LRMDA: variants seen among roughly 807,000 people sequenced by gnomAD.
LRMDA encodes leucine-rich melanocyte differentiation-associated protein.
LRMDA carries 18 observed loss-of-function variants against 29.8 expected under a neutral mutation model. The ratio of observed to expected loss-of-function variants is 0.60; its 90% CI spans 0.42 to 0.90. The LOEUF (loss-of-function observed/expected upper bound fraction) is 0.90, where lower values mean the gene tolerates loss of function less well. Among genes scored for constraint, LRMDA ranks in the 40% least tolerant of loss-of-function variants. The pLI, the probability that LRMDA is intolerant of heterozygous loss-of-function variation, is 0.00. For missense variants in LRMDA, 273 were observed against 273.9 expected, an observed-to-expected ratio of 1.00 and a Z score of 0.02; for synonymous variants, 125 against 109.4, an observed-to-expected ratio of 1.14 and a Z score of -0.89.
chr10:75,950,850 G>A (rs1699646787), intron 2 of LRMDA, among the ~76,000 whole-genome samples: 1 of 152,156 alleles, frequency 6.6e-6, no homozygotes, highest in Non-Finnish European at 1.5e-5. Flanking sequence ...CTCCTGGATT[G>A]TTTCTTGCTA....
At chr10:75,923,428 G>A (rs1408534233) in intron 2 of LRMDA, among the ~76,000 whole-genome samples, 4 of 152,148 alleles carry the variant, frequency 2.6e-5, no homozygotes, top group Non-Finnish European at 5.9e-5. Context: ...AGGACATGTA[G>A]AAATCAGCGC....
chr10:76,532,282 T>A (rs961200070), intron 6 of LRMDA, among the ~76,000 whole-genome samples: 2 of 152,228 alleles, frequency 1.3e-5, no homozygotes, highest in Non-Finnish European at 2.9e-5. Flanking sequence ...CACAAACCTC[T>A]ACTTTTAATC....
intron 5 of LRMDA, among the ~76,000 whole-genome samples, chr10:76,118,684 C>A (rs571413818): frequency 1.8e-4 from 27 of 152,154 alleles, no homozygotes; most frequent in South Asian, 1.7e-3. Flanking sequence ...CTCCCAAGCC[C>A]AGGGTACCAA....
chr10:76,444,097 G>T (rs1175827912), intron 6 of LRMDA, among the ~76,000 whole-genome samples: 1 of 152,134 alleles, frequency 6.6e-6, no homozygotes, highest in African/African-American at 2.4e-5. Context: ...CCAAAGCTTT[G>T]TTCAGCTATT....
At chr10:76,225,715 T>TATTTATTC (rs1324577276) in intron 5 of LRMDA, among the ~76,000 whole-genome samples, 1 of 148,048 alleles carries the variant, frequency 6.8e-6, no homozygotes, top group Non-Finnish European at 1.5e-5. Flanking sequence ...TTTATTTATT[T>TATTTATTC]ATTTATTATT....
intron 6 of LRMDA, among the ~76,000 whole-genome samples, chr10:76,517,939 C>CATATATATATATATATATAAACAT (rs71024602): frequency 0.012 from 1,681 of 144,234 alleles, 18 homozygotes; most frequent in Middle Eastern, 0.036. Flanking sequence ...TATATATAAA[C>CATATATATATATATATATAAACAT]ATATATATAT....
At chr10:76,147,238 C>T (rs1192941270) in intron 5 of LRMDA, among the ~76,000 whole-genome samples, 1 of 152,190 alleles carries the variant, frequency 6.6e-6, no homozygotes, top group Non-Finnish European at 1.5e-5. Context: ...GCCTGCCTTG[C>T]TAGATTGGGG....
At chr10:76,032,366 A>G (rs1033407138) in intron 2 of LRMDA, among the ~76,000 whole-genome samples, 1 of 152,176 alleles carries the variant, frequency 6.6e-6, no homozygotes, top group Non-Finnish European at 1.5e-5. Context: ...TTCATAAGCT[A>G]ATGAGGGCAG....
intron 2 of LRMDA, among the ~76,000 whole-genome samples, chr10:75,847,713 T>C (rs1844664411): frequency 6.6e-6 from 1 of 152,020 alleles, no homozygotes; most frequent in South Asian, 2.1e-4. Flanking sequence ...AAAGAAGATA[T>C]ACAAATGGCT....
At chr10:76,221,439 C>T (rs1023034020) in intron 5 of LRMDA, among the ~76,000 whole-genome samples, 11 of 152,214 alleles carry the variant, frequency 7.2e-5, no homozygotes, top group Admixed American at 2.0e-4. Flanking sequence ...GGATACAAAA[C>T]CAATGTACAA....
chr10:75,684,163 T>C (rs1842056280), intron 2 of LRMDA, among the ~76,000 whole-genome samples: 1 of 152,206 alleles, frequency 6.6e-6, no homozygotes, highest in African/African-American at 2.4e-5. Flanking sequence ...GCATTATCAA[T>C]GTCTCCTCTC....
intron 6 of LRMDA, among the ~76,000 whole-genome samples, chr10:76,514,919 C>A (rs766515850): frequency 3.3e-5 from 5 of 152,120 alleles, no homozygotes; most frequent in Non-Finnish European, 7.4e-5. Flanking sequence ...ACTACCTCTA[C>A]CTGCACAAGA....
At chr10:75,445,031 C>A (rs761605700) in intron 2 of LRMDA, among the ~76,000 whole-genome samples, 1 of 152,182 alleles carries the variant, frequency 6.6e-6, no homozygotes, top group South Asian at 2.1e-4. Flanking sequence ...CAGGCTCAAA[C>A]GATCCTCCCA....
At chr10:76,015,711 G>C (rs1208877831) in intron 2 of LRMDA, among the ~76,000 whole-genome samples, 1 of 152,178 alleles carries the variant, frequency 6.6e-6, no homozygotes, top group African/African-American at 2.4e-5. Context: ...CACACCATCA[G>C]CTATCAATCT....
chr10:76,434,605 C>A (rs1842226481), intron 6 of LRMDA, among the ~76,000 whole-genome samples: 1 of 152,206 alleles, frequency 6.6e-6, no homozygotes, highest in Non-Finnish European at 1.5e-5. Context: ...ACTCATCCAT[C>A]TGTCCATCCA....
intron 2 of LRMDA, among the ~76,000 whole-genome samples, chr10:75,806,833 C>T (rs1843862961): frequency 6.7e-6 from 1 of 148,188 alleles, no homozygotes; most frequent in African/African-American, 2.5e-5. Flanking sequence ...AAAAACCACA[C>T]ACAAAAAAAC....
chr10:76,367,222 G>T (rs1841401170), intron 6 of LRMDA, among the ~76,000 whole-genome samples: 1 of 151,832 alleles, frequency 6.6e-6, no homozygotes, highest in South Asian at 2.1e-4. Flanking sequence ...TTCTTTTTTG[G>T]CTATGTGCTT....
chr10:75,572,417 T>C (rs1267734481), intron 2 of LRMDA, among the ~76,000 whole-genome samples: 1 of 152,148 alleles, frequency 6.6e-6, no homozygotes, highest in African/African-American at 2.4e-5. Context: ...TTTTATTCTT[T>C]CTGGCACCCC....
chr10:75,760,971 T>C (rs1843087492), intron 2 of LRMDA, among the ~76,000 whole-genome samples: 1 of 152,218 alleles, frequency 6.6e-6, no homozygotes, highest in Non-Finnish European at 1.5e-5. Flanking sequence ...ATTTAATCCA[T>C]TTTTGTATTA....
Sources: gnomAD v4.1 joint callset for allele counts (sites outside exome capture counted in the v4.1 genomes callset) on GRCh38, gnomAD v4.1.1 for gene constraint, MANE v1.5 for transcripts, NCBI Gene and HGNC (gene_info 2026-07-23, HGNC 2026-07-21) for gene names.